STK39: variants seen among roughly 807,000 people sequenced by gnomAD.
STK39 encodes the protein serine/threonine kinase 39, also known as STE20/SPS1-related proline-alanine-rich protein kinase.
A neutral mutation model predicts 77.8 loss-of-function variants in STK39; 20 were observed. That is an observed-to-expected ratio of 0.26 (90% CI 0.18 to 0.37). STK39 has a LOEUF of 0.37. Ranked by LOEUF, STK39 falls within the 10% of genes least tolerant of loss-of-function variation. The pLI, the probability that STK39 is intolerant of heterozygous loss-of-function variation, is 1.00. For synonymous variants in STK39, 246 were observed against 234.1 expected (o/e 1.05, Z -0.47); for missense variants, 479 against 656.5 (o/e 0.73, Z 2.95).
chr2:168,217,974 C>A (rs369042192), intron 1 of STK39, among the ~76,000 whole-genome samples: 46 of 152,268 alleles, frequency 3.0e-4, no homozygotes, highest in Admixed American at 6.5e-4. Context: ...ATGATTTAGA[C>A]AGAAATAGCC....
At chr2:168,165,394 G>A (rs1688671333) in intron 3 of STK39, among the ~76,000 whole-genome samples, 1 of 151,962 alleles carries the variant, frequency 6.6e-6, no homozygotes, top group South Asian at 2.1e-4. Flanking sequence ...CTTGAGCAGA[G>A]CATTTGGGAC....
intron 10 of STK39, among the ~76,000 whole-genome samples, chr2:168,108,001 C>A (rs953450632): frequency 8.5e-5 from 13 of 152,182 alleles, no homozygotes; most frequent in African/African-American, 3.1e-4. Context: ...ATGTTCTCAT[C>A]CTAATTCCAA....
At chr2:167,963,532 A>AC (rs1260419768) in intron 17 of STK39, among the ~76,000 whole-genome samples, 1 of 150,776 alleles carries the variant, frequency 6.6e-6, no homozygotes, top group African/African-American at 2.4e-5. Context: ...TTAAAAAAAA[A>AC]AAAAACACAC....
chr2:168,246,632 G>A (rs1346436161), intron 1 of STK39, among the ~76,000 whole-genome samples: 12 of 152,224 alleles, frequency 7.9e-5, no homozygotes, highest in Admixed American at 7.8e-4. Context: ...TGCAAGGCGG[G>A]CGTGGAGTGG....
chr2:168,219,662 C>T (rs572821809), intron 1 of STK39, among the ~76,000 whole-genome samples: 15 of 152,256 alleles, frequency 9.9e-5, no homozygotes, highest in African/African-American at 3.6e-4. Context: ...CCTCTCAATG[C>T]AACAAAACTC....
rs571309687 is a variant in STK39, at chr2:168,247,544, C to CCCGCCGCCG, written c.-118_-110dup. On this transcript the variant is annotated 5_prime_UTR_variant, in exon 1 of 18. Transcript: ENST00000355999. ...TCTCGGCCGGCGCACGCCCTCCCCG[C>CCCGCCGCCG]CCGCCGCCGCCGCCGCCGTCCCCGC... 9,450 of 466,620 alleles carry CCCGCCGCCG rather than the reference C, an allele frequency of 0.02. 155 individuals carry two copies. The highest frequency in any genetic ancestry group is 0.053 in the East Asian group (519 of 9,794). The allele number at this position is 466,620 out of a possible 1,614,324, so 28.9% of individuals were successfully genotyped here.
chr2:168,229,647 C>T (rs1409200180), intron 1 of STK39, among the ~76,000 whole-genome samples: 1 of 152,144 alleles, frequency 6.6e-6, no homozygotes, highest in Non-Finnish European at 1.5e-5. Context: ...CAAAAATCTA[C>T]CTTTAAATTG....
chr2:168,183,371 A>T (rs1454118418), intron 1 of STK39, among the ~76,000 whole-genome samples: 1 of 151,696 alleles, frequency 6.6e-6, no homozygotes, highest in East Asian at 1.9e-4. Flanking sequence ...TAGACACTTG[A>T]CTCCTTATGA....
intron 17 of STK39, among the ~76,000 whole-genome samples, chr2:167,957,351 G>A (rs1165383564): frequency 6.6e-6 from 1 of 152,190 alleles, no homozygotes; most frequent in Non-Finnish European, 1.5e-5. Flanking sequence ...CAGGGGCGAT[G>A]AGGTCTGAAA....
intron 1 of STK39, among the ~76,000 whole-genome samples, chr2:168,215,922 CAG>C (rs1447017656): frequency 1.3e-5 from 2 of 152,254 alleles, no homozygotes; most frequent in East Asian, 3.9e-4. Context: ...AGGGACTGAC[CAG>C]AGAGTGGGGT....
intron 14 of STK39, among the ~76,000 whole-genome samples, chr2:168,031,542 G>A (rs560935683): frequency 2.0e-5 from 3 of 152,294 alleles, no homozygotes; most frequent in South Asian, 2.1e-4. Flanking sequence ...GAATGTGACC[G>A]TATTTGGGGA....
intron 1 of STK39, among the ~76,000 whole-genome samples, chr2:168,206,996 A>C (rs1483681637): frequency 6.6e-6 from 1 of 152,192 alleles, no homozygotes; most frequent in Non-Finnish European, 1.5e-5. Context: ...ACAAGACTCC[A>C]ATTTCAGGTG....
chr2:167,980,165 A>G (rs556108733), intron 16 of STK39, among the ~76,000 whole-genome samples: 63 of 152,338 alleles, frequency 4.1e-4, no homozygotes, highest in Non-Finnish European at 8.1e-4. Context: ...ATCAGAAATA[A>G]TTTGTGTCTC....
intron 2 of STK39, among the ~76,000 whole-genome samples, chr2:168,174,157 A>G (rs1040343966): frequency 6.6e-6 from 1 of 152,218 alleles, no homozygotes; most frequent in African/African-American, 2.4e-5. Flanking sequence ...AGGAAAAGGA[A>G]AGCATAAATT....
intron 1 of STK39, among the ~76,000 whole-genome samples, chr2:168,195,939 C>T (rs1689458439): frequency 6.6e-6 from 1 of 152,104 alleles, no homozygotes; most frequent in Non-Finnish European, 1.5e-5. Context: ...ATTGCTTGAA[C>T]CTGGGAGGTG....
At chr2:168,094,657 C>T (rs983572267) in intron 10 of STK39, among the ~76,000 whole-genome samples, 6 of 152,090 alleles carry the variant, frequency 3.9e-5, no homozygotes, top group African/African-American at 1.4e-4. Context: ...ACTTTCTTTT[C>T]CTCCTCTCAT....
intron 14 of STK39, among the ~76,000 whole-genome samples, chr2:168,042,964 T>C (rs1685146558): frequency 2.0e-5 from 3 of 152,158 alleles, no homozygotes; most frequent in Admixed American, 1.3e-4. Flanking sequence ...TGCAAAATAC[T>C]ATGTAAATGT....
intron 1 of STK39, 58 bp from the exon 2 acceptor site, chr2:168,182,148 T>C (rs1159352288): frequency 7.1e-7 from 1 of 1,409,334 alleles, no homozygotes; most frequent in East Asian, 2.3e-5. Context: ...GGTTACTATC[T>C]GTAACTATTT....
chr2:168,133,127 C>T (rs1445744095), intron 8 of STK39, among the ~76,000 whole-genome samples: 3 of 152,160 alleles, frequency 2.0e-5, no homozygotes, highest in Admixed American at 6.5e-5. Context: ...TCCTCCTCCC[C>T]ACACAGGAAG....
Sources: gnomAD v4.1 joint callset for allele counts (sites outside exome capture counted in the v4.1 genomes callset) on GRCh38, gnomAD v4.1.1 for gene constraint, MANE v1.5 for transcripts, NCBI Gene and HGNC (gene_info 2026-07-23, HGNC 2026-07-21) for gene names.